Variants in PPP1R37 observed in about 807,000 individuals in gnomAD.
The protein encoded by PPP1R37 is leucine rich repeat containing 68.
A neutral mutation model predicts 61.0 loss-of-function variants in PPP1R37; 21 were observed. The ratio of observed to expected loss-of-function variants is 0.34; its 90% CI spans 0.24 to 0.50. PPP1R37 has a LOEUF of 0.50. PPP1R37 is among the 20% of genes least tolerant of loss of function. PPP1R37 has a pLI of 0.98. For missense variants in PPP1R37, 910 were observed against 952.7 expected, an observed-to-expected ratio of 0.96 and a Z score of 0.59; for synonymous variants, 443 against 433.5, an observed-to-expected ratio of 1.02 and a Z score of -0.27.
intron 1 of PPP1R37, among the ~76,000 whole-genome samples, chr19:45,129,855 C>G (rs1001467774): frequency 1.3e-5 from 2 of 152,214 alleles, no homozygotes; most frequent in African/African-American, 4.8e-5. Context: ...GTCTCTCTCC[C>G]CAACACATTT....
At chr19:45,106,131 CA>C (rs1265031166) in intron 1 of PPP1R37, among the ~76,000 whole-genome samples, 1 of 152,224 alleles carries the variant, frequency 6.6e-6, no homozygotes, top group Non-Finnish European at 1.5e-5. Flanking sequence ...TTCCTCATCT[CA>C]GGGGTAGAGG....
intron 1 of PPP1R37, among the ~76,000 whole-genome samples, chr19:45,138,300 C>T (rs1968563850): frequency 1.3e-5 from 2 of 152,114 alleles, no homozygotes; most frequent in South Asian, 4.1e-4. Flanking sequence ...GCGTGGAGGG[C>T]AGTGGTGACT....
At chr19:45,138,458 C>G (rs188484017) in intron 1 of PPP1R37, 56 bp from the exon 2 acceptor site, 152 of 1,310,786 alleles carry the variant, frequency 1.2e-4, no homozygotes, top group Admixed American at 4.2e-4. Flanking sequence ...TGGGTGGAGC[C>G]CCATGAAGGA....
chr19:45,127,022 T>C (rs2122736813), intron 1 of PPP1R37, among the ~76,000 whole-genome samples: 1 of 152,318 alleles, frequency 6.6e-6, no homozygotes, highest in South Asian at 2.1e-4. Flanking sequence ...TTAGGTGATT[T>C]CATGGTCATG....
Position 45,142,472 on chromosome 19 carries a change from C to T in PPP1R37, c.874+14C>T, listed in dbSNP as rs71352253. The T allele has an allele frequency of 1.3e-6, 2 of 1,534,748 alleles. No homozygotes were observed. The highest frequency in any genetic ancestry group is 1.2e-5 in the South Asian group (1 of 83,992). On this transcript the variant is annotated intron_variant, in intron 7 of 12. Transcript: ENST00000221462. Reference sequence around the variant, plus strand: ...TGCTAGACTCGGGTGGGTGCAGTGGCCCACCCCACCCACACCCGTCACCCA... The same window carrying T: ...TGCTAGACTCGGGTGGGTGCAGTGGTCCACCCCACCCACACCCGTCACCCA...
chr19:45,103,354 C>A (rs116501086), intron 1 of PPP1R37, among the ~76,000 whole-genome samples: 3,836 of 152,298 alleles, frequency 0.025, 164 homozygotes, highest in African/African-American at 0.087. Flanking sequence ...GCCCTGCAGT[C>A]GGATGCTCCC....
At chr19:45,142,831 C>T (rs1221411596) in intron 7 of PPP1R37, 3 of 228,658 alleles carry the variant, frequency 1.3e-5, no homozygotes, top group South Asian at 7.2e-5. Context: ...GGAAGACCAC[C>T]GTGGGGCGGG....
chr19:45,133,921 A>G (rs1390696959), intron 1 of PPP1R37, among the ~76,000 whole-genome samples: 3 of 152,222 alleles, frequency 2.0e-5, no homozygotes, highest in East Asian at 3.8e-4. Context: ...ATACTGAGGA[A>G]CTGGGTGTGA....
At chr19:45,094,074 G>A (rs1447467491) in intron 1 of PPP1R37, among the ~76,000 whole-genome samples, 1 of 152,260 alleles carries the variant, frequency 6.6e-6, no homozygotes, top group Non-Finnish European at 1.5e-5. Flanking sequence ...AAGGAGTCAA[G>A]ATAAGGTCCC....
intron 1 of PPP1R37, among the ~76,000 whole-genome samples, chr19:45,125,239 C>T (rs922822865): frequency 2.6e-5 from 4 of 151,958 alleles, no homozygotes; most frequent in Admixed American, 6.6e-5. Context: ...CCGAGGCGGG[C>T]GGATCATTAG....
At chr19:45,124,269 C>T (rs1968374468) in intron 1 of PPP1R37, among the ~76,000 whole-genome samples, 1 of 152,028 alleles carries the variant, frequency 6.6e-6, no homozygotes, top group Admixed American at 6.6e-5. Context: ...GCAGTGAGAG[C>T]ATGTACCGTG....
In PPP1R37 at chr19:45,141,400, G is replaced by A. The variant is rs755043500; in HGVS notation, c.526G>A (p.Gly176Ser). ...CAACATCTCCTTCAACAAGCACATC[G>A]GCACCCGGGGCTGGCAGGCGGCCGC... ...HLNISFNKHI[G>S]TRGWQAAAHM... Residue 176 changes from glycine to serine, a missense_variant, in exon 5 of 13, where the codon GGC becomes AGC. By Grantham distance (56) the Gly-to-Ser change is moderately conservative. This residue lies in a region of PPP1R37 where 280 missense variants were observed against 382.2 expected (regional missense o/e 0.73). Transcript: ENST00000221462. 11 of 1,535,956 alleles carry A rather than the reference G, an allele frequency of 7.2e-6. No homozygotes were observed. Among genetic ancestry groups the A allele is most frequent in the East Asian group, 2.4e-5 (1 of 40,880 alleles).
Position 45,120,419 on chromosome 19 carries a change from C to T in PPP1R37, c.203-18095C>T, listed in dbSNP as rs185013268. On this transcript the variant is annotated intron_variant, in intron 1 of 12. Coordinates refer to ENST00000221462, the MANE Select transcript of PPP1R37 (RefSeq NM_019121.2). Reference sequence around the variant, plus strand: ...ACCTGTTCCCTGTTGGCTAAGAGAGCGCACACTCATTCTCTGTGGCGGCAG... The same window carrying T: ...ACCTGTTCCCTGTTGGCTAAGAGAGTGCACACTCATTCTCTGTGGCGGCAG... Among the ~76,000 whole-genome samples, 619 of 152,230 alleles carry T rather than the reference C, an allele frequency of 4.1e-3. 4 individuals are homozygous for T. Among genetic ancestry groups the T allele is most frequent in the African/African-American group, 0.014 (593 of 41,522 alleles).
At chr19:45,103,842 G>A (rs1189741342) in intron 1 of PPP1R37, among the ~76,000 whole-genome samples, 1 of 152,112 alleles carries the variant, frequency 6.6e-6, no homozygotes, top group Admixed American at 6.5e-5. Flanking sequence ...CACACAGGTA[G>A]TAGAGGAGGA....
In PPP1R37 at chr19:45,131,916, C is replaced by T. The variant is rs1968482594; in HGVS notation, c.203-6598C>T. ...TCTCACGTCCCTTGTTGCCTGCGAC[C>T]CCACAGGTGTCCCTTTCAGGGAGGG... On this transcript the variant is annotated intron_variant, in intron 1 of 12. Transcript: ENST00000221462. Among the ~76,000 whole-genome samples the T allele has an allele frequency of 2.6e-5, 4 of 152,178 alleles. No individual in the cohort carries two copies. In the South Asian group the frequency reaches 8.3e-4, roughly 32 times the overall value.
chr19:45,121,841 T>C lies in PPP1R37; in HGVS notation c.203-16673T>C, dbSNP rs1008276476. On this transcript the variant is annotated intron_variant, in intron 1 of 12. Coordinates refer to ENST00000221462, the MANE Select transcript of PPP1R37 (RefSeq NM_019121.2). The surrounding 1 kb of genome is among the most constrained non-coding windows in gnomAD (Gnocchi z 4.2). Reference sequence around the variant, plus strand: ...TACTCCCCTGAGAAATACCTGCCCTTGGGAAGCCCACTGCATTGGGCTTAC... The same window carrying C: ...TACTCCCCTGAGAAATACCTGCCCTCGGGAAGCCCACTGCATTGGGCTTAC... Among the ~76,000 whole-genome samples the C allele has an allele frequency of 1.3e-5, 2 of 152,208 alleles. No individual in the cohort carries two copies. Among genetic ancestry groups the C allele is most frequent in the African/African-American group, 2.4e-5 (1 of 41,450 alleles).
chr19:45,125,352 A>G (rs571823397), intron 1 of PPP1R37, among the ~76,000 whole-genome samples: 1 of 152,248 alleles, frequency 6.6e-6, no homozygotes, highest in South Asian at 2.1e-4. Context: ...AGTCCCAGCT[A>G]CTCAGGAGGC....
At position 45,119,554 on chromosome 19, in the gene PPP1R37, A is replaced by G. The variant is rs530221931; in HGVS notation, c.203-18960A>G. Among the ~76,000 whole-genome samples, 38 of 152,338 alleles carry G rather than the reference A, an allele frequency of 2.5e-4. 1 individual carries two copies. The South Asian group carries it at 7.1e-3, about 28-fold the overall frequency. On this transcript the variant is annotated intron_variant, in intron 1 of 12. Coordinates refer to ENST00000221462, the MANE Select transcript of PPP1R37 (RefSeq NM_019121.2). ...TTCTGGCTTCAGAATTGATGACTAC[A>G]TGGCCAATCTGTTCCTGCCTATCTC...
At chr19:45,138,690 GGCCT>G in intron 2 of PPP1R37, 79 bp downstream of exon 2, 2 of 916,500 alleles carry the variant, frequency 2.2e-6, no homozygotes, top group Non-Finnish European at 3.4e-6. Context: ...AGCAGGAGAG[GGCCT>G]CCCACTCCCC....
Sources: allele counts gnomAD v4.1 joint callset (sites outside exome capture counted in the v4.1 genomes callset), GRCh38; gene constraint gnomAD v4.1.1; regional missense constraint gnomAD v4.1.1; non-coding constraint Gnocchi (gnomAD v3.1); transcripts MANE v1.5; gene names NCBI Gene and HGNC (gene_info 2026-07-23, HGNC 2026-07-21).